Variants in NCKAP5 observed in about 807,000 individuals in gnomAD.
NCKAP5 encodes the protein NCK associated protein 5.
In NCKAP5, 92 loss-of-function variants were observed where a neutral mutation model predicts 167.0. That is an observed-to-expected ratio of 0.55 (90% CI 0.47 to 0.66). NCKAP5 has a LOEUF of 0.66. Ranked by LOEUF, NCKAP5 falls within the 30% of genes least tolerant of loss-of-function variation. The probability of loss-of-function intolerance (pLI) is 0.00; values close to 1 mark genes in which losing one functional copy is unlikely to be tolerated. For synonymous variants in NCKAP5, 891 were observed against 877.4 expected, an observed-to-expected ratio of 1.02 and a Z score of -0.27; for missense variants, 2,378 against 2,315.0, an observed-to-expected ratio of 1.03 and a Z score of -0.56.
intron 3 of NCKAP5, among the ~76,000 whole-genome samples, chr2:133,512,767 T>C (rs183006632): frequency 5.9e-5 from 9 of 152,278 alleles, no homozygotes; most frequent in African/African-American, 1.9e-4. Context: ...GCAGGACCAA[T>C]ATCCTTGGGT....
intron 2 of NCKAP5, among the ~76,000 whole-genome samples, chr2:133,534,057 A>G (rs1369200034): frequency 1.3e-5 from 2 of 152,214 alleles, no homozygotes; most frequent in African/African-American, 4.8e-5. Context: ...TCTATACGTC[A>G]CATTTTGCTG....
At chr2:132,948,885 T>G (rs1470627051) in intron 8 of NCKAP5, among the ~76,000 whole-genome samples, 1 of 152,086 alleles carries the variant, frequency 6.6e-6, no homozygotes, top group African/African-American at 2.4e-5. Flanking sequence ...ATACATGGTG[T>G]TTGGCTGATT....
intron 3 of NCKAP5, among the ~76,000 whole-genome samples, chr2:133,476,356 A>G (rs557804196): frequency 2.0e-5 from 3 of 152,262 alleles, no homozygotes; most frequent in Non-Finnish European, 4.4e-5. Context: ...ATTTTCTTCA[A>G]TTATATAATA....
At chr2:132,694,467 C>A (rs1687122554) in intron 19 of NCKAP5, among the ~76,000 whole-genome samples, 2 of 111,722 alleles carry the variant, frequency 1.8e-5, no homozygotes, top group Non-Finnish European at 4.3e-5. Flanking sequence ...TGTACTTGGC[C>A]CAAAACTTTT....
chr2:133,199,353 C>G (rs891463901), intron 5 of NCKAP5, among the ~76,000 whole-genome samples: 1 of 151,918 alleles, frequency 6.6e-6, no homozygotes, highest in African/African-American at 2.4e-5. Flanking sequence ...TGACAAGAGA[C>G]TTATATTCAA....
chr2:132,768,990 G>C (rs1327628740), intron 16 of NCKAP5, among the ~76,000 whole-genome samples: 2 of 147,232 alleles, frequency 1.4e-5, no homozygotes, highest in Non-Finnish European at 3.0e-5. Context: ...TGTCGCCTGG[G>C]CTGGAGTGCA....
At chr2:132,964,622 C>A (rs2076607374) in intron 7 of NCKAP5, among the ~76,000 whole-genome samples, 1 of 151,914 alleles carries the variant, frequency 6.6e-6, no homozygotes, top group Admixed American at 6.6e-5. Flanking sequence ...AAAAAGGATC[C>A]ATTTTGTGCA....
chr2:133,374,460 C>T (rs1418598128), intron 3 of NCKAP5, among the ~76,000 whole-genome samples: 1 of 152,102 alleles, frequency 6.6e-6, no homozygotes, highest in Non-Finnish European at 1.5e-5. Context: ...TAAGAATGGA[C>T]CCTAATGTAA....
intron 19 of NCKAP5, among the ~76,000 whole-genome samples, chr2:132,690,706 A>G (rs1340779705): frequency 1.3e-5 from 2 of 151,948 alleles, no homozygotes; most frequent in East Asian, 3.9e-4. Context: ...GGCTCCCTTT[A>G]TTTCTGGCTT....
At chr2:133,630,013 G>A in the NCKAP5 span, among the ~76,000 whole-genome samples, 3 of 152,016 alleles carry the variant, frequency 2.0e-5, no homozygotes, top group Admixed American at 6.5e-5. Context: ...ACAGCATTAG[G>A]AAAAATAGCT....
intron 3 of NCKAP5, among the ~76,000 whole-genome samples, chr2:133,473,345 T>A (rs1237324188): frequency 2.7e-5 from 4 of 148,850 alleles, no homozygotes; most frequent in East Asian, 2.0e-4. Flanking sequence ...AAAAAAAAAA[T>A]TAATTAATTT....
At chr2:132,938,266 A>T (rs1442941953) in intron 8 of NCKAP5, among the ~76,000 whole-genome samples, 1 of 152,202 alleles carries the variant, frequency 6.6e-6, no homozygotes, top group African/African-American at 2.4e-5. Flanking sequence ...GAATCAGAGG[A>T]TACAGTAGAG....
intron 19 of NCKAP5, among the ~76,000 whole-genome samples, chr2:132,722,689 C>T (rs548348968): frequency 7.2e-5 from 11 of 152,162 alleles, no homozygotes; most frequent in Admixed American, 3.9e-4. Flanking sequence ...AGCATGTCCA[C>T]GCAGAACTCC....
intron 3 of NCKAP5, among the ~76,000 whole-genome samples, chr2:133,480,233 A>G (rs113762929): frequency 6.6e-6 from 1 of 152,216 alleles, no homozygotes; most frequent in Non-Finnish European, 1.5e-5. Context: ...CACCTGGCCT[A>G]GGGAATTAGA....
rs530221404 is a variant in NCKAP5, at chr2:133,362,155, T to C, written c.70-59045A>G. On this transcript the variant is annotated intron_variant, in intron 3 of 19. Transcript: ENST00000409261. Reference sequence around the variant, plus strand: ...TTGTCTTATTGCTTGAAGCCGATGATGTAATGCTAATAGAAGCCAGAGAGA... The same window carrying C: ...TTGTCTTATTGCTTGAAGCCGATGACGTAATGCTAATAGAAGCCAGAGAGA... 2.5e-4 allele frequency among the ~76,000 whole-genome samples: 38 copies of C among 152,312 alleles called. 1 individual carries two copies. Among genetic ancestry groups the C allele is most frequent in the African/African-American group, 8.9e-4 (37 of 41,560 alleles).
chr2:132,742,712 C>T (rs1252489928), intron 16 of NCKAP5, among the ~76,000 whole-genome samples: 7 of 151,808 alleles, frequency 4.6e-5, no homozygotes, highest in Non-Finnish European at 7.4e-5. Context: ...GAAGAAAGCT[C>T]AAGACTTCAC....
intron 5 of NCKAP5, among the ~76,000 whole-genome samples, chr2:133,180,852 T>C (rs534762815): frequency 1.3e-5 from 2 of 152,094 alleles, no homozygotes; most frequent in Non-Finnish European, 2.9e-5. Flanking sequence ...GAAAAGCTTC[T>C]ACACAGCAAA....
rs1225521256 is a variant in NCKAP5 at position 132,772,957 on chromosome 2, T to C, written c.5128+859A>G. 3.9e-5 allele frequency among the ~76,000 whole-genome samples: 6 copies of C among 152,326 alleles called. No individual in the cohort carries two copies. The South Asian group carries it at 1.0e-3, about 26-fold the overall frequency. On this transcript the variant is annotated intron_variant, in intron 16 of 19. Transcript: ENST00000409261. ...GGAGAGGAGAAATGGATACTGATTA[T>C]ACTGGACACTGGGGATCTGTGGGGC...
chr2:133,629,980 G>A, the NCKAP5 span, among the ~76,000 whole-genome samples: 26 of 151,928 alleles, frequency 1.7e-4, no homozygotes, highest in Non-Finnish European at 3.5e-4. Flanking sequence ...GGGGCCTGTC[G>A]AGGGGGTGGG....
Sources: allele counts gnomAD v4.1 joint callset (sites outside exome capture counted in the v4.1 genomes callset), GRCh38; gene constraint gnomAD v4.1.1; transcripts MANE v1.5; gene names NCBI Gene and HGNC (gene_info 2026-07-23, HGNC 2026-07-21).